FCHSD2: variants seen among roughly 807,000 people sequenced by gnomAD.
FCHSD2 encodes the protein FCH and double SH3 domains 2.
FCHSD2 carries 38 observed loss-of-function variants against 108.1 expected under a neutral mutation model. That is an observed-to-expected ratio of 0.35 (90% CI 0.27 to 0.46). The LOEUF is 0.46. FCHSD2 is among the 20% of genes least tolerant of loss of function. FCHSD2 has a pLI of 1.00. For missense variants in FCHSD2, 751 were observed against 897.8 expected, an observed-to-expected ratio of 0.84 and a Z score of 2.09; for synonymous variants, 279 against 314.7, an observed-to-expected ratio of 0.89 and a Z score of 1.20.
chr11:72,841,023 G>C, intron 18 of FCHSD2, 64 bp from the exon 19 acceptor site: 7 of 1,246,284 alleles, frequency 5.6e-6, no homozygotes, highest in Non-Finnish European at 8.2e-6. Context: ...CTGATGCAAG[G>C]CTGGCATGGT....
chr11:72,904,470 C>A (rs1242654585), intron 9 of FCHSD2, among the ~76,000 whole-genome samples: 1 of 152,096 alleles, frequency 6.6e-6, no homozygotes, highest in Non-Finnish European at 1.5e-5. Context: ...TCTTCATCAC[C>A]CAGTTTCCAA....
chr11:72,870,328 C>T (rs187001445), intron 12 of FCHSD2, among the ~76,000 whole-genome samples: 55 of 152,192 alleles, frequency 3.6e-4, no homozygotes, highest in African/African-American at 1.2e-3. Context: ...TAATTGGGGG[C>T]TCCTTTAAGA....
chr11:72,936,572 G>A (rs1274256941), intron 8 of FCHSD2, among the ~76,000 whole-genome samples: 1 of 152,082 alleles, frequency 6.6e-6, no homozygotes, highest in Non-Finnish European at 1.5e-5. Context: ...GCCAGGAGTT[G>A]GAGACCAGCC....
chr11:72,845,527 C>T (rs375482336), intron 14 of FCHSD2, among the ~76,000 whole-genome samples: 14 of 151,770 alleles, frequency 9.2e-5, no homozygotes, highest in African/African-American at 3.2e-4. Flanking sequence ...CACTAGTTGT[C>T]CAATGTAAGC....
intron 10 of FCHSD2, among the ~76,000 whole-genome samples, chr11:72,897,121 C>T (rs779331782): frequency 2.0e-4 from 31 of 152,114 alleles, no homozygotes; most frequent in Non-Finnish European, 3.7e-4. Context: ...GCGTGAGCCA[C>T]CACGCCCGGC....
chr11:73,128,902 C>T (rs576579319), intron 2 of FCHSD2, among the ~76,000 whole-genome samples: 53 of 152,250 alleles, frequency 3.5e-4, no homozygotes, highest in African/African-American at 1.3e-3. Flanking sequence ...GACAGAGTCT[C>T]GCTCTGTTGC....
intron 10 of FCHSD2, among the ~76,000 whole-genome samples, chr11:72,890,655 G>A (rs114237301): frequency 0.012 from 1,879 of 151,898 alleles, 34 homozygotes; most frequent in African/African-American, 0.043. Context: ...AGGTACTATG[G>A]AAAGTGCTTC....
intron 13 of FCHSD2, among the ~76,000 whole-genome samples, chr11:72,853,234 C>T (rs113229757): frequency 6.6e-6 from 1 of 152,122 alleles, no homozygotes; most frequent in Non-Finnish European, 1.5e-5. Flanking sequence ...GCCAAGACCA[C>T]TCAGTGGAGG....
intron 2 of FCHSD2, among the ~76,000 whole-genome samples, chr11:73,109,068 T>C (rs2135543031): frequency 6.6e-6 from 1 of 152,346 alleles, no homozygotes; most frequent in South Asian, 2.1e-4. Flanking sequence ...GCTTTTGGGT[T>C]CTCTATTCTG....
intron 12 of FCHSD2, among the ~76,000 whole-genome samples, chr11:72,873,798 G>C (rs1854912319): frequency 6.6e-6 from 1 of 152,126 alleles, no homozygotes; most frequent in Non-Finnish European, 1.5e-5. Context: ...ATTAAACTGA[G>C]GCAGCTCCAG....
intron 9 of FCHSD2, among the ~76,000 whole-genome samples, chr11:72,906,400 C>A (rs1855631206): frequency 6.6e-6 from 1 of 152,154 alleles, no homozygotes; most frequent in East Asian, 1.9e-4. Context: ...ATGATAGTTT[C>A]TTTTGCTGTG....
intron 3 of FCHSD2, among the ~76,000 whole-genome samples, chr11:73,059,193 A>G (rs1859104001): frequency 6.6e-6 from 1 of 152,148 alleles, no homozygotes; most frequent in Admixed American, 6.5e-5. Flanking sequence ...ATGAAAGCAA[A>G]ATGATTTCAA....
At chr11:73,081,232 G>A (rs1028421245) in intron 3 of FCHSD2, among the ~76,000 whole-genome samples, 3 of 151,992 alleles carry the variant, frequency 2.0e-5, no homozygotes, top group East Asian at 1.9e-4. Flanking sequence ...TCAAGAGATC[G>A]AGATCATCTT....
intron 5 of FCHSD2, among the ~76,000 whole-genome samples, chr11:72,995,537 A>T (rs1266656298): frequency 6.7e-6 from 1 of 150,076 alleles, no homozygotes; most frequent in Non-Finnish European, 1.5e-5. Flanking sequence ...CCTCATCTCT[A>T]AAAAAAAAGT....
chr11:73,001,490 T>A (rs940225113), intron 4 of FCHSD2, among the ~76,000 whole-genome samples: 1 of 152,192 alleles, frequency 6.6e-6, no homozygotes, highest in African/African-American at 2.4e-5. Context: ...CTTCATTAAG[T>A]TATTTTCCTA....
chr11:73,099,920 C>G (rs1591552658), intron 2 of FCHSD2, among the ~76,000 whole-genome samples: 1 of 152,322 alleles, frequency 6.6e-6, no homozygotes, highest in Admixed American at 6.5e-5. Context: ...CCGTCCCTAT[C>G]CCCCACTAAT....
intron 3 of FCHSD2, among the ~76,000 whole-genome samples, chr11:73,029,879 G>A (rs1421473622): frequency 6.6e-6 from 1 of 152,132 alleles, no homozygotes; most frequent in African/African-American, 2.4e-5. Context: ...TACATCTCAG[G>A]CTGATCCTCA....
intron 8 of FCHSD2, among the ~76,000 whole-genome samples, chr11:72,983,453 G>A (rs1857254459): frequency 6.6e-6 from 1 of 152,108 alleles, no homozygotes; most frequent in Non-Finnish European, 1.5e-5. Context: ...GGACAACAGA[G>A]CGAGACCTTG....
chr11:72,946,456 T>C (rs575046982), intron 8 of FCHSD2, among the ~76,000 whole-genome samples: 9 of 151,392 alleles, frequency 5.9e-5, no homozygotes, highest in African/African-American at 2.2e-4. Flanking sequence ...AATGATGAGT[T>C]ACTGGGTGCA....
Sources: allele counts gnomAD v4.1 joint callset (sites outside exome capture counted in the v4.1 genomes callset), GRCh38; gene constraint gnomAD v4.1.1; transcripts MANE v1.5; gene names NCBI Gene and HGNC (gene_info 2026-07-23, HGNC 2026-07-21).